TRDN: variants seen among roughly 807,000 people sequenced by gnomAD.
The protein encoded by TRDN is triadin in skeletal muscle.
In TRDN, 161 loss-of-function variants were observed where a neutral mutation model predicts 149.7. The ratio of observed to expected loss-of-function variants is 1.08; its 90% CI spans 0.95 to 1.23. The LOEUF (loss-of-function observed/expected upper bound fraction) is 1.23. Among genes scored for constraint, TRDN ranks in the 50% most tolerant of loss-of-function variants. The probability of loss-of-function intolerance (pLI) is 0.00; values close to 1 mark genes in which losing one functional copy is unlikely to be tolerated. For missense variants in TRDN, 896 were observed against 823.5 expected (o/e 1.09, Z -1.08); for synonymous variants, 294 against 250.5 (o/e 1.17, Z -1.64).
chr6:123,584,625 G>T (rs957178358), intron 1 of TRDN, among the ~76,000 whole-genome samples: 1 of 151,826 alleles, frequency 6.6e-6, no homozygotes, highest in Non-Finnish European at 1.5e-5. Flanking sequence ...TGAAATTTGG[G>T]CTTGACTGAA....
chr6:123,330,458 T>C (rs1779614782), intron 23 of TRDN, among the ~76,000 whole-genome samples: 1 of 151,998 alleles, frequency 6.6e-6, no homozygotes, highest in South Asian at 2.1e-4. Flanking sequence ...ACATAACATA[T>C]ATGAATCCTC....
chr6:123,431,388 G>T (rs951363196), intron 12 of TRDN, among the ~76,000 whole-genome samples: 1 of 152,092 alleles, frequency 6.6e-6, no homozygotes, highest in Admixed American at 6.6e-5. Context: ...AAAAGTGTAT[G>T]AATTATCTAC....
At chr6:123,259,555 T>C (rs1415276029) in intron 35 of TRDN, 69 bp downstream of exon 35, 19 of 1,010,824 alleles carry the variant, frequency 1.9e-5, no homozygotes, top group Non-Finnish European at 2.8e-5. Context: ...ATAATTTGTA[T>C]AAATTTGTTT....
intron 4 of TRDN, among the ~76,000 whole-genome samples, chr6:123,541,738 T>G (rs1047299379): frequency 2.6e-5 from 4 of 152,182 alleles, no homozygotes; most frequent in African/African-American, 9.7e-5. Flanking sequence ...TAACCAATAT[T>G]CTGAGGCTAT....
intron 7 of TRDN, among the ~76,000 whole-genome samples, chr6:123,506,663 ATT>A (rs896949881): frequency 6.6e-6 from 1 of 151,642 alleles, no homozygotes; most frequent in Non-Finnish European, 1.5e-5. Context: ...TAATTTTTGT[ATT>A]TTTAGTAGAG....
intron 38 of TRDN, among the ~76,000 whole-genome samples, chr6:123,226,567 A>G (rs1489545455): frequency 6.6e-6 from 1 of 151,888 alleles, no homozygotes; most frequent in East Asian, 1.9e-4. Flanking sequence ...AGCTGGCAAG[A>G]GCTGAGTCAC....
intron 7 of TRDN, among the ~76,000 whole-genome samples, chr6:123,505,108 G>T (rs1364440944): frequency 6.6e-6 from 1 of 151,934 alleles, no homozygotes; most frequent in East Asian, 1.9e-4. Context: ...GCTGGGCGTG[G>T]TGGTGCATGC....
intron 24 of TRDN, among the ~76,000 whole-genome samples, chr6:123,301,770 C>CATATATATATATATATATATACAT (rs35364593): frequency 3.5e-5 from 2 of 57,838 alleles, no homozygotes; most frequent in Admixed American, 2.9e-4. Flanking sequence ...TATATATATA[C>CATATATATATATATATATATACAT]ATATATATAT....
At chr6:123,281,604 C>T (rs1264778606) in intron 24 of TRDN, among the ~76,000 whole-genome samples, 1 of 151,948 alleles carries the variant, frequency 6.6e-6, no homozygotes, top group Non-Finnish European at 1.5e-5. Context: ...TGAATGGAAA[C>T]ACCAAAAAAC....
At chr6:123,539,531 T>C (rs1010173930) in intron 4 of TRDN, among the ~76,000 whole-genome samples, 2 of 152,218 alleles carry the variant, frequency 1.3e-5, no homozygotes, top group African/African-American at 4.8e-5. Context: ...CTGAAGTGAC[T>C]TGACCATAGC....
In TRDN at chr6:123,400,917, C is replaced by T. The variant is rs576977806; in HGVS notation, c.1052-7240G>A. Among the ~76,000 whole-genome samples, 8 of 152,112 alleles carry T rather than the reference C, an allele frequency of 5.3e-5. No individual in the cohort carries two copies. In the South Asian group the frequency reaches 6.2e-4, roughly 12 times the overall value. The stretch of plus-strand genomic sequence containing the variant: ...TGAATGTAGTCCTCTGAAAATATAA[C>T]GTAATAAGAATAGTGGAAAGAAAAA... On this transcript the variant is annotated intron_variant, in intron 12 of 40. Transcript: ENST00000334268.
chr6:123,282,905 G>C (rs1288384539), intron 24 of TRDN, among the ~76,000 whole-genome samples: 2 of 151,788 alleles, frequency 1.3e-5, no homozygotes, highest in Non-Finnish European at 2.9e-5. Context: ...TTTTATTTAG[G>C]TGATCTTATA....
intron 9 of TRDN, among the ~76,000 whole-genome samples, chr6:123,483,673 C>G (rs1777862891): frequency 6.6e-6 from 1 of 152,114 alleles, no homozygotes; most frequent in Non-Finnish European, 1.5e-5. Context: ...TTCTATTTTT[C>G]TCCCACAGCT....
rs1780026298 is a variant in TRDN at position 123,340,510 on chromosome 6, T to G, written c.1370-2841A>C. ...AGTGAAATTGGAAAGTGTAAAGGAT[T>G]CTAACAAAATTATCAGGCAGTTAAG... On this transcript the variant is annotated intron_variant, in intron 21 of 40. Transcript: ENST00000334268. Among the ~76,000 whole-genome samples the G allele has an allele frequency of 2.0e-5, 3 of 152,064 alleles. No individual in the cohort carries two copies. In the South Asian group the frequency reaches 6.2e-4, roughly 31 times the overall value.
chr6:123,531,827 A>T (rs1170547637), intron 4 of TRDN, among the ~76,000 whole-genome samples: 1 of 152,010 alleles, frequency 6.6e-6, no homozygotes, highest in East Asian at 1.9e-4. Flanking sequence ...TTACATTAGC[A>T]CTTTTGACAT....
At chr6:123,534,467 G>A (rs185813848) in intron 4 of TRDN, among the ~76,000 whole-genome samples, 47 of 152,206 alleles carry the variant, frequency 3.1e-4, no homozygotes, top group Non-Finnish European at 5.9e-4. Context: ...TCCACATGGC[G>A]TGCCAGTTCT....
At chr6:123,467,675 T>C (rs1776912544) in intron 9 of TRDN, among the ~76,000 whole-genome samples, 1 of 152,194 alleles carries the variant, frequency 6.6e-6, no homozygotes. Context: ...GGGTCATACT[T>C]GAACATGACA....
chr6:123,615,023 T>C (rs1192886001), intron 1 of TRDN, among the ~76,000 whole-genome samples: 1 of 152,008 alleles, frequency 6.6e-6, no homozygotes, highest in Non-Finnish European at 1.5e-5. Flanking sequence ...AAAAGATACA[T>C]ACAAATGGCC....
intron 38 of TRDN, among the ~76,000 whole-genome samples, chr6:123,251,033 C>A (rs1582777112): frequency 1.3e-5 from 2 of 152,110 alleles, no homozygotes; most frequent in African/African-American, 4.8e-5. Flanking sequence ...GCATTACCTC[C>A]TTATGTAGTC....
Sources: allele counts gnomAD v4.1 joint callset (sites outside exome capture counted in the v4.1 genomes callset), GRCh38; gene constraint gnomAD v4.1.1; transcripts MANE v1.5; gene names NCBI Gene and HGNC (gene_info 2026-07-23, HGNC 2026-07-21).